PCNT: variants seen among roughly 807,000 people sequenced by gnomAD.
PCNT encodes the protein pericentrin.
PCNT carries 319 observed loss-of-function variants against 380.4 expected under a neutral mutation model. The ratio of observed to expected loss-of-function variants is 0.84; its 90% CI spans 0.77 to 0.92. The LOEUF (loss-of-function observed/expected upper bound fraction) is 0.92, where lower values mean the gene tolerates loss of function less well. PCNT is among the 40% of genes least tolerant of loss of function. PCNT has a pLI of 0.00. For synonymous variants in PCNT, 1,845 were observed against 1,735.2 expected (o/e 1.06, Z -1.57); for missense variants, 4,400 against 4,255.3 (o/e 1.03, Z -0.95).
rs370510329 is a variant in PCNT, at chr21:46,374,498, T to C, written c.3166-7196T>C. Among the ~76,000 whole-genome samples, 144 of 152,256 alleles carry C rather than the reference T, an allele frequency of 9.5e-4. 1 individual carries two copies. The highest frequency in any genetic ancestry group is 3.3e-3 in the African/African-American group (137 of 41,552). On this transcript the variant is annotated intron_variant, in intron 15 of 46. Transcript: ENST00000359568. ...CTGTGATTGGTGAGAATGCTTCTTG[T>C]ATGGTGGCCACTCCTCTCCTGGTCT...
At chr21:46,396,432 G>A (rs2086212938) in intron 21 of PCNT, among the ~76,000 whole-genome samples, 1 of 152,174 alleles carries the variant, frequency 6.6e-6, no homozygotes, top group Non-Finnish European at 1.5e-5. Context: ...GGGCCGAGTG[G>A]GAGGACCACT....
At chr21:46,351,619 A>AT in intron 9 of PCNT, 79 bp downstream of exon 9, 1 of 877,304 alleles carries the variant, frequency 1.1e-6, no homozygotes. Context: ...CCAAGCCAGA[A>AT]TTTAACAATT....
At chr21:46,409,785 G>A (rs990038587) in intron 27 of PCNT, among the ~76,000 whole-genome samples, 2 of 151,992 alleles carry the variant, frequency 1.3e-5, no homozygotes, top group Admixed American at 6.6e-5. Context: ...CTAGAGACCA[G>A]GGTGCACCGT....
At chr21:46,324,569 G>C (rs1220288996) in intron 1 of PCNT, among the ~76,000 whole-genome samples, 3 of 38,496 alleles carry the variant, frequency 7.8e-5, no homozygotes, top group Non-Finnish European at 1.7e-4. Flanking sequence ...GCGTCGGGGG[G>C]GGTGGGGCGC....
chr21:46,410,929 T>C lies in PCNT; in HGVS notation c.5116-260T>C, dbSNP rs2839243. Among the ~76,000 whole-genome samples, 102,023 of 152,202 alleles carry C rather than the reference T, an allele frequency of 0.67. 34,896 individuals carry two copies. Among genetic ancestry groups the C allele is most frequent in the African/African-American group, 0.79 (32,924 of 41,538 alleles). On this transcript the variant is annotated intron_variant, in intron 27 of 46. Coordinates refer to ENST00000359568, the MANE Select transcript of PCNT (RefSeq NM_006031.6). The stretch of plus-strand genomic sequence containing the variant: ...GGTGGTGAAAGCATCATTCTGTAGA[T>C]GTCCTTGCATGGAAAATGACTGCAT...
chr21:46,369,975 G>A lies in PCNT; in HGVS notation c.3165+2836G>A, dbSNP rs1411873134. Among the ~76,000 whole-genome samples the A allele has an allele frequency of 2.6e-5, 4 of 152,284 alleles. No homozygotes were observed. In the East Asian group the frequency reaches 5.8e-4, roughly 22 times the overall value. ...AGCCGGGGGAGCCGGAGGTTCTGGG[G>A]GTGCTGGGGGAGCTACAGGTGCTGC... On this transcript the variant is annotated intron_variant, in intron 15 of 46. Transcript: ENST00000359568.
chr21:46,325,258 G>C, intron 1 of PCNT: 2 of 950,196 alleles, frequency 2.1e-6, no homozygotes, highest in Non-Finnish European at 2.5e-6. Context: ...TGCTGGGGAA[G>C]AGCGGGGCTC....
At position 46,385,962 on chromosome 21, in the gene PCNT, T is replaced by C. The variant is rs762148129; in HGVS notation, c.3443T>C (p.Val1148Ala). ...ANLLSMLKAD[V>A]NLSHSERGAL... ...CTCCTCTCCATGCTCAAGGCCGACGTCAACCTGTCCCACAGCGAAAGGTCA... is the reference window on the plus strand; with the variant it reads ...CTCCTCTCCATGCTCAAGGCCGACGCCAACCTGTCCCACAGCGAAAGGTCA... The change falls in exon 17 of 47, where the codon GTC becomes GCC. Residue 1148 changes from valine to alanine, a missense_variant. Transcript: ENST00000359568. The C allele has an allele frequency of 6.2e-6, 10 of 1,614,032 alleles. No homozygotes were observed. The Admixed American group carries it at 1.7e-4, about 27-fold the overall frequency.
chr21:46,413,377 G>A (rs566151758), intron 29 of PCNT, among the ~76,000 whole-genome samples: 2 of 151,864 alleles, frequency 1.3e-5, no homozygotes, highest in South Asian at 2.1e-4. Context: ...AAGGCGTGAG[G>A]CCCCCCTGGG....
chr21:46,368,309 G>A (rs958955626), intron 15 of PCNT, among the ~76,000 whole-genome samples: 5 of 152,124 alleles, frequency 3.3e-5, no homozygotes, highest in African/African-American at 4.8e-5. Context: ...TTAGCTGGGG[G>A]TGGTGGCGGA....
At chr21:46,429,368 G>A (rs866261177) in intron 35 of PCNT, among the ~76,000 whole-genome samples, 3 of 119,194 alleles carry the variant, frequency 2.5e-5, no homozygotes, top group African/African-American at 8.0e-5. Context: ...TGAGGGGCAC[G>A]GGCAGGGGGT....
At chr21:46,445,169 T>G (rs756323844) in intron 46 of PCNT, 115 bp from the exon 47 acceptor site, 36 of 810,380 alleles carry the variant, frequency 4.4e-5, no homozygotes, top group African/African-American at 8.5e-5. Flanking sequence ...ATAATTCATA[T>G]TTTTACCAAA....
At position 46,377,836 on chromosome 21, in the gene PCNT, CGTT is replaced by C. The variant is rs1385909688; in HGVS notation, c.3166-3855_3166-3853del. Reference sequence around the variant, plus strand: ...CACTCCAGGCTGCATGACAGCAAAACGTTGTCTCAAAAGATAATCAATGAAAAT... The same window carrying C: ...CACTCCAGGCTGCATGACAGCAAAACGTCTCAAAAGATAATCAATGAAAAT... On this transcript the variant is annotated intron_variant, in intron 15 of 46. Transcript: ENST00000359568. Among the ~76,000 whole-genome samples the C allele has an allele frequency of 3.3e-5, 5 of 151,844 alleles. No homozygotes were observed. The East Asian group carries it at 5.8e-4, about 18-fold the overall frequency.
chr21:46,335,343 A>G (rs185398447), intron 3 of PCNT, among the ~76,000 whole-genome samples: 2 of 152,264 alleles, frequency 1.3e-5, no homozygotes, highest in Admixed American at 1.3e-4. Flanking sequence ...GTTTTTTGTT[A>G]GCATGTGGAG....
chr21:46,436,695 ATCAT>A (rs1488605024), intron 39 of PCNT, among the ~76,000 whole-genome samples: 3 of 152,086 alleles, frequency 2.0e-5, no homozygotes, highest in Non-Finnish European at 2.9e-5. Flanking sequence ...AGCATTTTAA[ATCAT>A]TCATTCCAGA....
At chr21:46,409,641 C>G (rs749882592) in intron 27 of PCNT, among the ~76,000 whole-genome samples, 12 of 152,166 alleles carry the variant, frequency 7.9e-5, no homozygotes, top group Non-Finnish European at 1.3e-4. Flanking sequence ...GCTCTGTCGC[C>G]CAGGCTGCGG....
intron 31 of PCNT, among the ~76,000 whole-genome samples, chr21:46,419,164 C>T (rs1602041849): frequency 6.6e-6 from 1 of 152,084 alleles, no homozygotes; most frequent in Non-Finnish European, 1.5e-5. Context: ...GATTTTTCAG[C>T]GATTTAGTGT....
intron 38 of PCNT, among the ~76,000 whole-genome samples, chr21:46,432,584 G>A (rs1408969662): frequency 3.3e-5 from 5 of 152,204 alleles, no homozygotes; most frequent in African/African-American, 4.8e-5. Flanking sequence ...TCTGGACAGT[G>A]TGAGGTCTTT....
intron 1 of PCNT, among the ~76,000 whole-genome samples, chr21:46,324,623 C>T (rs2083300156): frequency 6.6e-6 from 1 of 150,656 alleles, no homozygotes; most frequent in Non-Finnish European, 1.5e-5. Flanking sequence ...GGCTGCAGGG[C>T]GGGGCTACAG....
Sources: allele counts gnomAD v4.1 joint callset (sites outside exome capture counted in the v4.1 genomes callset), GRCh38; gene constraint gnomAD v4.1.1; transcripts MANE v1.5; gene names NCBI Gene and HGNC (gene_info 2026-07-23, HGNC 2026-07-21).